Variants in PCDHA6 observed in about 807,000 individuals in gnomAD.
PCDHA6 encodes the protein protocadherin alpha 6.
In PCDHA6, 55 loss-of-function variants were observed where a neutral mutation model predicts 60.3. That is an observed-to-expected ratio of 0.91 (90% CI 0.73 to 1.14). The LOEUF (loss-of-function observed/expected upper bound fraction) is 1.14. Among genes scored for constraint, PCDHA6 ranks in the 50% most tolerant of loss-of-function variants. The pLI, the probability that PCDHA6 is intolerant of heterozygous loss-of-function variation, is 0.00. For missense variants in PCDHA6, 1,327 were observed against 1,256.5 expected (o/e 1.06, Z -0.85); for synonymous variants, 652 against 557.9 (o/e 1.17, Z -2.38).
chr5:140,962,939 C>CA (rs2095722674), intron 1 of PCDHA6, among the ~76,000 whole-genome samples: 1 of 152,134 alleles, frequency 6.6e-6, no homozygotes, highest in African/African-American at 2.4e-5. Context: ...ACCTCCTCTC[C>CA]ATAAGATATG....
At chr5:140,864,105 T>G (rs1413292385) in intron 1 of PCDHA6, 1 of 152,314 alleles carries the variant, frequency 6.6e-6, no homozygotes, top group Non-Finnish European at 1.5e-5. Flanking sequence ...ATAATGATAA[T>G]AGTAATAATG....
intron 1 of PCDHA6, chr5:140,968,458 T>C: frequency 6.2e-7 from 1 of 1,614,148 alleles, no homozygotes; most frequent in East Asian, 2.2e-5. Flanking sequence ...GCACTGTGAC[T>C]GCCAACGTAT....
chr5:140,874,868 T>C (rs1554167378), intron 1 of PCDHA6, among the ~76,000 whole-genome samples: 1 of 152,254 alleles, frequency 6.6e-6, no homozygotes, highest in Non-Finnish European at 1.5e-5. Flanking sequence ...TTATCCTTTG[T>C]TAAATACAAA....
Position 140,828,833 on chromosome 5 carries a change from G to A in PCDHA6, c.742G>A (p.Glu248Lys), listed in dbSNP as rs2150159490. The A allele has an allele frequency of 1.2e-6, 2 of 1,614,186 alleles. No homozygotes were observed. Among genetic ancestry groups the A allele is most frequent in the Non-Finnish European group, 8.5e-7 (1 of 1,180,040 alleles). Residue 248 changes from glutamate to lysine, a missense_variant, in exon 1 of 4, where the codon GAA becomes AAA. By Grantham distance (56) the Glu-to-Lys change is moderately conservative. Coordinates refer to ENST00000529310, the MANE Select transcript of PCDHA6 (RefSeq NM_018909.4). ...NAPTFEQSEY[E>K]VRIFENADNG... ...TCCCACTTTCGAACAGTCTGAATAC[G>A]AAGTAAGAATATTCGAAAATGCAGA...
intron 1 of PCDHA6, among the ~76,000 whole-genome samples, chr5:140,838,485 T>G (rs1233460301): frequency 1.3e-5 from 2 of 151,892 alleles, no homozygotes; most frequent in Non-Finnish European, 2.9e-5. Flanking sequence ...TGTTTTTGAT[T>G]ATTTGCTTTC....
intron 1 of PCDHA6, among the ~76,000 whole-genome samples, chr5:140,965,764 A>G (rs2095932618): frequency 6.6e-6 from 1 of 152,258 alleles, no homozygotes; most frequent in Non-Finnish European, 1.5e-5. Flanking sequence ...AATGGGTCAA[A>G]TAATAGATTT....
intron 1 of PCDHA6, chr5:140,927,419 G>T (rs781883331): frequency 1.9e-6 from 3 of 1,614,140 alleles, no homozygotes; most frequent in South Asian, 2.2e-5. Flanking sequence ...ATGGGATCGC[G>T]GGTTGACGGC....
At chr5:140,937,878 C>G (rs2091818368) in intron 1 of PCDHA6, among the ~76,000 whole-genome samples, 1 of 150,504 alleles carries the variant, frequency 6.6e-6, no homozygotes, top group Admixed American at 6.6e-5. Context: ...CGCCACTGCA[C>G]TCCAGCCTGG....
intron 1 of PCDHA6, among the ~76,000 whole-genome samples, chr5:140,844,717 G>A (rs1779511876): frequency 6.7e-6 from 1 of 149,352 alleles, no homozygotes. Context: ...TGGCCCATTA[G>A]TTCGTGTAAA....
At chr5:140,897,100 A>G (rs10054072) in intron 1 of PCDHA6, among the ~76,000 whole-genome samples, 2,117 of 151,950 alleles carry the variant, frequency 0.014, 42 homozygotes, top group African/African-American at 0.049. Context: ...CTCATTAAAA[A>G]TCTCCACTTT....
rs140143048 is a variant in PCDHA6, at chr5:140,842,939, G to A, written c.2394+12454G>A. Reference sequence around the variant, plus strand: ...GCAGTTCCAGGTGAGCGCGCGCGACGCGGGCGTGCCGCCTCTGGGCAGCAA... The same window carrying A: ...GCAGTTCCAGGTGAGCGCGCGCGACACGGGCGTGCCGCCTCTGGGCAGCAA... On this transcript the variant is annotated intron_variant, in intron 1 of 3. Transcript: ENST00000529310. 5.6e-6 allele frequency: 9 copies of A among 1,594,456 alleles called. No individual in the cohort carries two copies. In the African/African-American group the frequency reaches 1.2e-4, roughly 21 times the overall value.
At chr5:140,946,092 G>T (rs985293430) in intron 1 of PCDHA6, among the ~76,000 whole-genome samples, 1 of 151,914 alleles carries the variant, frequency 6.6e-6, no homozygotes, top group Non-Finnish European at 1.5e-5. Context: ...CTGATAAGGA[G>T]TTAACATACC....
In PCDHA6 at chr5:140,936,310, T is replaced by C. The variant is rs541948860; in HGVS notation, c.2395-42639T>C. 5.3e-5 allele frequency among the ~76,000 whole-genome samples: 8 copies of C among 152,318 alleles called. No individual in the cohort carries two copies. The South Asian group carries it at 1.4e-3, about 28-fold the overall frequency. ...TATAACATTGCTATCCAATAGAACT[T>C]TCTGACATGCTATAAATTTTCTCTA... On this transcript the variant is annotated intron_variant, in intron 1 of 3. Transcript: ENST00000529310.
chr5:140,932,351 A>G (rs1401387848), intron 1 of PCDHA6, among the ~76,000 whole-genome samples: 1 of 151,920 alleles, frequency 6.6e-6, no homozygotes, highest in African/African-American at 2.4e-5. Context: ...TTACCATACA[A>G]CTGGCCTTAT....
rs2150277487 is a variant in PCDHA6, at chr5:140,837,615, C to CCCTT, written c.2394+7147_2394+7150dup. On this transcript the variant is annotated intron_variant, in intron 1 of 3. Transcript: ENST00000529310. ...CCAATATATATATTTTATAATTTGC[C>CCCTT]CCTTCCTTCCTTCCTTCCTTTCTTT... Among the ~76,000 whole-genome samples the CCCTT allele has an allele frequency of 5.2e-3, 763 of 145,918 alleles. 3 individuals are homozygous for CCCTT. Among genetic ancestry groups the CCCTT allele is most frequent in the South Asian group, 0.011 (50 of 4,612 alleles).
intron 1 of PCDHA6, chr5:140,851,357 G>A: frequency 2.1e-6 from 2 of 974,974 alleles, no homozygotes; most frequent in Non-Finnish European, 2.5e-6. Flanking sequence ...GATGGAGACT[G>A]TGAACATCTG....
chr5:140,845,305 G>A lies in PCDHA6; in HGVS notation c.2394+14820G>A, dbSNP rs2150378227. Among the ~76,000 whole-genome samples the A allele has an allele frequency of 3.4e-4, 51 of 149,092 alleles. 5 individuals carry two copies. The highest frequency in any genetic ancestry group is 6.7e-4 in the Non-Finnish European group (45 of 66,692). On this transcript the variant is annotated intron_variant, in intron 1 of 3. Transcript: ENST00000529310. ...TTCCTATCCTGTCTATGTCTACCTG[G>A]TTCTCAGGTATTACTTTAATTACTG...
chr5:140,908,276 A>T (rs1554193275), intron 1 of PCDHA6, among the ~76,000 whole-genome samples: 1 of 152,148 alleles, frequency 6.6e-6, no homozygotes, highest in Non-Finnish European at 1.5e-5. Context: ...CCATGAGGCC[A>T]TTGTTGCAAG....
intron 1 of PCDHA6, among the ~76,000 whole-genome samples, chr5:140,961,987 C>T (rs1411300268): frequency 1.3e-5 from 2 of 151,942 alleles, no homozygotes; most frequent in African/African-American, 4.8e-5. Context: ...GGGTTCACGC[C>T]ATTGTCCTGC....
Sources: gnomAD v4.1 joint callset for allele counts (sites outside exome capture counted in the v4.1 genomes callset) on GRCh38, gnomAD v4.1.1 for gene constraint, MANE v1.5 for transcripts, NCBI Gene and HGNC (gene_info 2026-07-23, HGNC 2026-07-21) for gene names.